Variants in CCDC186 observed in about 807,000 individuals in gnomAD.
CCDC186 encodes the protein coiled-coil domain containing 186.
A neutral mutation model predicts 113.7 loss-of-function variants in CCDC186; 49 were observed. The ratio of observed to expected loss-of-function variants is 0.43; its 90% confidence interval spans 0.34 to 0.55. The LOEUF (loss-of-function observed/expected upper bound fraction) is 0.55. Among genes scored for constraint, CCDC186 ranks in the 20% least tolerant of loss-of-function variants. The pLI is 0.02. For synonymous variants in CCDC186, 355 were observed against 345.8 expected (o/e 1.03, Z -0.30); for missense variants, 890 against 1,011.1 (o/e 0.88, Z 1.62).
intron 2 of CCDC186, among the ~76,000 whole-genome samples, chr10:114,158,612 C>T: frequency 6.6e-6 from 1 of 151,292 alleles, no homozygotes; most frequent in East Asian, 1.9e-4. Context: ...GCCAGGAGTC[C>T]CAGGAAAAGC....
chr10:114,152,347 AAAAAAGGATG>A (rs1258498929), intron 3 of CCDC186, among the ~76,000 whole-genome samples: 1 of 152,096 alleles, frequency 6.6e-6, no homozygotes, highest in Non-Finnish European at 1.5e-5. Context: ...TGAAAAAAAA[AAAAAAGGATG>A]AAAAGGGCAT....
At chr10:114,142,161 A>T (rs1448791145) in intron 6 of CCDC186, among the ~76,000 whole-genome samples, 1 of 152,204 alleles carries the variant, frequency 6.6e-6, no homozygotes, top group African/African-American at 2.4e-5. Context: ...TATCACTGAC[A>T]ACACGACAGC....
chr10:114,161,678 G>C (rs1340630065), intron 2 of CCDC186: 1 of 152,140 alleles, frequency 6.6e-6, no homozygotes, highest in African/African-American at 2.4e-5. Context: ...AGCAACAGCA[G>C]GCATTTGTTT....
At chr10:114,157,866 C>T (rs995583755) in intron 2 of CCDC186, among the ~76,000 whole-genome samples, 186 bp from the exon 3 acceptor site, 9 of 152,120 alleles carry the variant, frequency 5.9e-5, no homozygotes, top group African/African-American at 2.2e-4. Context: ...TTCTCTGGCC[C>T]ATTAGGCTAT....
intron 14 of CCDC186, among the ~76,000 whole-genome samples, chr10:114,126,769 A>G (rs538899342): frequency 3.3e-5 from 5 of 152,356 alleles, no homozygotes; most frequent in East Asian, 1.9e-4. Flanking sequence ...AAACTTTCCT[A>G]TAAGTCTAAA....
chr10:114,156,398 G>C (rs2032010891), intron 3 of CCDC186, among the ~76,000 whole-genome samples: 1 of 152,232 alleles, frequency 6.6e-6, no homozygotes, highest in Non-Finnish European at 1.5e-5. Context: ...TACTCACTTT[G>C]TTGATTCATG....
intron 15 of CCDC186, 130 bp from the exon 16 acceptor site, chr10:114,125,356 GA>G (rs2030862570): frequency 1.7e-6 from 1 of 600,486 alleles, no homozygotes; most frequent in African/African-American, 1.9e-5. Context: ...TGCTATGTCA[GA>G]TAAACTAGTG....
chr10:114,157,357 A>ATT (rs5788057), intron 3 of CCDC186, among the ~76,000 whole-genome samples, 197 bp downstream of exon 3: 9 of 130,188 alleles, frequency 6.9e-5, no homozygotes, highest in Non-Finnish European at 1.3e-4. Flanking sequence ...CTAATTTTCT[A>ATT]TTTTTTTTTT....
intron 3 of CCDC186, among the ~76,000 whole-genome samples, chr10:114,156,020 G>A (rs2032000119): frequency 1.3e-5 from 2 of 151,906 alleles, no homozygotes; most frequent in Admixed American, 1.3e-4. Context: ...ATGAAAGGAA[G>A]GGCTCTGGTT....
At chr10:114,135,846 A>T (rs765216798) in intron 9 of CCDC186, 45 bp downstream of exon 9, 1 of 1,400,550 alleles carries the variant, frequency 7.1e-7, no homozygotes, top group Non-Finnish European at 1.0e-6. Flanking sequence ...TCAAAATTTA[A>T]GATATTTACC....
chr10:114,158,824 C>T (rs1367009962), intron 2 of CCDC186, among the ~76,000 whole-genome samples: 1 of 152,196 alleles, frequency 6.6e-6, no homozygotes, highest in Non-Finnish European at 1.5e-5. Flanking sequence ...TTCCAAAGCC[C>T]CAGGCCTTTC....
intron 2 of CCDC186, 138 bp from the exon 3 acceptor site, chr10:114,157,818 TAATCATTTTATA>T (rs1564916130): frequency 2.5e-5 from 17 of 677,020 alleles, no homozygotes; most frequent in Non-Finnish European, 3.9e-5. Context: ...CATTCCTAAA[TAATCATTTTATA>T]GTGAAACATA....
intron 4 of CCDC186, among the ~76,000 whole-genome samples, chr10:114,149,619 GA>G (rs2031761799): frequency 1.1e-4 from 3 of 28,404 alleles, no homozygotes; most frequent in African/African-American, 3.1e-4. Context: ...GAAGGGAAGG[GA>G]AGGAAAGGGA....
At chr10:114,138,505 A>C (rs1021743810) in intron 6 of CCDC186, among the ~76,000 whole-genome samples, 11 of 151,638 alleles carry the variant, frequency 7.3e-5, no homozygotes, top group Admixed American at 2.0e-4. Flanking sequence ...GGCTGGTCTC[A>C]AACTCCTGAC....
At chr10:114,155,565 C>T (rs144103449) in intron 3 of CCDC186, among the ~76,000 whole-genome samples, 1,654 of 152,208 alleles carry the variant, frequency 0.011, 20 homozygotes, top group African/African-American at 0.038. Flanking sequence ...ATCCCAGCTT[C>T]TCAGGAGGCT....
chr10:114,126,012 G>A lies in CCDC186; in HGVS notation c.2487C>T (p.Gly829=), dbSNP rs760456445. Residue 829 remains glycine, a synonymous_variant, in exon 15 of 16, where the codon GGC becomes GGT. Transcript: ENST00000369287. ...FNKVHLSRRG[G]IMASLYTSHP... is the part of the protein sequence containing the mutation. ...GGGATGTATATAAAGATGCCATGATGCCACCCCGTCTACTTAAATGAACTT... is the reference window on the plus strand; with the variant it reads ...GGGATGTATATAAAGATGCCATGATACCACCCCGTCTACTTAAATGAACTT... The A allele has an allele frequency of 1.2e-6, 2 of 1,613,972 alleles. No homozygotes were observed. Among genetic ancestry groups the A allele is most frequent in the Admixed American group, 1.7e-5 (1 of 59,986 alleles).
chr10:114,168,836 G>C (rs556306451), intron 1 of CCDC186, among the ~76,000 whole-genome samples: 3 of 152,290 alleles, frequency 2.0e-5, no homozygotes, highest in African/African-American at 4.8e-5. Flanking sequence ...CTGTGCAGCA[G>C]GCAAGAACCT....
At chr10:114,150,992 A>C in intron 4 of CCDC186, 100 bp downstream of exon 4, 2 of 1,388,716 alleles carry the variant, frequency 1.4e-6, no homozygotes, top group Non-Finnish European at 2.0e-6. Context: ...TAGTATTAAT[A>C]CAATAGTGAG....
chr10:114,161,970 T>G (rs555806907), intron 2 of CCDC186: 2 of 152,048 alleles, frequency 1.3e-5, no homozygotes, highest in African/African-American at 4.8e-5. Context: ...TGAGGTATCA[T>G]GAGTAGTCAA....
Sources: gnomAD v4.1 joint callset for allele counts (sites outside exome capture counted in the v4.1 genomes callset) on GRCh38, gnomAD v4.1.1 for gene constraint, MANE v1.5 for transcripts, NCBI Gene and HGNC (gene_info 2026-07-23, HGNC 2026-07-21) for gene names.